Variants in ZFAND3 observed in about 807,000 individuals in gnomAD.
ZFAND3 encodes AN1-type zinc finger protein 3.
ZFAND3 carries 10 observed loss-of-function variants against 29.6 expected under a neutral mutation model. The observed-to-expected ratio is 0.34, with a 90% CI of 0.21 to 0.57. The LOEUF (loss-of-function observed/expected upper bound fraction) is 0.57. Ranked by LOEUF, ZFAND3 falls within the 20% of genes least tolerant of loss-of-function variation. ZFAND3 has a pLI of 0.86. For missense variants in ZFAND3, 230 were observed against 304.5 expected (o/e 0.76, Z 1.82); for synonymous variants, 128 against 112.6 (o/e 1.14, Z -0.87).
At chr6:37,985,738 C>T (rs1290740837) in intron 2 of ZFAND3, among the ~76,000 whole-genome samples, 3 of 151,992 alleles carry the variant, frequency 2.0e-5, no homozygotes, top group Non-Finnish European at 4.4e-5. Context: ...GTTCACAGTG[C>T]CACCAACATA....
chr6:37,965,070 A>G (rs760895214), intron 2 of ZFAND3, among the ~76,000 whole-genome samples: 1 of 152,230 alleles, frequency 6.6e-6, no homozygotes, highest in Non-Finnish European at 1.5e-5. Context: ...TTCTTCCCTC[A>G]ACCTATGACA....
In ZFAND3 at chr6:37,854,964, G is replaced by GTTTT. The variant is rs34283914; in HGVS notation, c.71+34967_71+34970dup. ...AGGTTACAGGAGAAAAATAATAGGT[G>GTTTT]TTTTTTTTTTTTTTTTTTTTTTGGT... On this transcript the variant is annotated intron_variant, in intron 1 of 5. Transcript: ENST00000287218. 1.4e-3 allele frequency among the ~76,000 whole-genome samples: 113 copies of GTTTT among 78,914 alleles called. 2 individuals are homozygous for GTTTT. The highest frequency in any genetic ancestry group is 2.1e-3 in the Non-Finnish European group (85 of 40,346). The allele number at this position is 78,914 out of a possible 152,430, so 51.8% of individuals were successfully genotyped here. A position where few individuals can be genotyped will look rare whatever the true frequency, so the allele number is the denominator to read the frequency against.
At chr6:38,030,060 A>ATGTATG (rs1380081033) in intron 2 of ZFAND3, among the ~76,000 whole-genome samples, 3 of 6,812 alleles carry the variant, frequency 4.4e-4, no homozygotes, top group African/African-American at 1.0e-3. Flanking sequence ...GGATATATAT[A>ATGTATG]TATATATATA....
intron 1 of ZFAND3, among the ~76,000 whole-genome samples, chr6:37,896,564 T>TTCTTTCTC (rs1222596827): frequency 8.2e-5 from 12 of 146,416 alleles, no homozygotes; most frequent in Admixed American, 1.4e-4. Flanking sequence ...CTTTCTTTCT[T>TTCTTTCTC]TCTTTCTCTC....
chr6:37,850,693 G>T (rs72849369), intron 1 of ZFAND3, among the ~76,000 whole-genome samples: 1 of 152,118 alleles, frequency 6.6e-6, no homozygotes, highest in South Asian at 2.1e-4. Context: ...ACACTGTATG[G>T]TGTTTGCACA....
intron 5 of ZFAND3, 121 bp from the exon 6 acceptor site, chr6:38,152,114 A>G (rs943672581): frequency 1.1e-6 from 1 of 932,044 alleles, no homozygotes. Context: ...GAACCCCTGC[A>G]GTGAGTGTTG....
chr6:38,097,464 G>A (rs924172265), intron 4 of ZFAND3, among the ~76,000 whole-genome samples: 3 of 152,058 alleles, frequency 2.0e-5, no homozygotes, highest in African/African-American at 4.8e-5. Flanking sequence ...AGTGAGTATA[G>A]GTATTAACTG....
At chr6:38,116,077 A>G (rs1017325129) in intron 4 of ZFAND3, among the ~76,000 whole-genome samples, 1 of 152,232 alleles carries the variant, frequency 6.6e-6, no homozygotes, top group African/African-American at 2.4e-5. Context: ...CAGATCACTC[A>G]TCAAACGCTG....
At chr6:38,147,634 A>G (rs1286832492) in intron 5 of ZFAND3, among the ~76,000 whole-genome samples, 1 of 152,216 alleles carries the variant, frequency 6.6e-6, no homozygotes, top group Non-Finnish European at 1.5e-5. Flanking sequence ...CATCCTCGCC[A>G]GGATCTGTTA....
intron 4 of ZFAND3, among the ~76,000 whole-genome samples, chr6:38,101,019 G>A (rs1203713882): frequency 1.3e-5 from 2 of 152,140 alleles, no homozygotes; most frequent in African/African-American, 4.8e-5. Flanking sequence ...TCAAAATTGC[G>A]AACTTAACAC....
chr6:37,921,893 A>AC (rs949066117), intron 1 of ZFAND3, among the ~76,000 whole-genome samples: 3 of 150,928 alleles, frequency 2.0e-5, no homozygotes, highest in African/African-American at 4.9e-5. Flanking sequence ...AAAAAAAAAA[A>AC]AAAAACAAAC....
chr6:37,878,412 G>T (rs939360658), intron 1 of ZFAND3, among the ~76,000 whole-genome samples: 40 of 152,182 alleles, frequency 2.6e-4, no homozygotes, highest in Non-Finnish European at 1.9e-4. Context: ...TGTGTTGTAG[G>T]CTCCCCAGCG....
chr6:37,949,530 C>T (rs1477358626), intron 2 of ZFAND3, among the ~76,000 whole-genome samples: 2 of 152,144 alleles, frequency 1.3e-5, no homozygotes, highest in Non-Finnish European at 2.9e-5. Flanking sequence ...TTGAGGGCTC[C>T]TTCCCCAAGA....
intron 1 of ZFAND3, among the ~76,000 whole-genome samples, chr6:37,898,775 TG>T (rs1383084606): frequency 2.6e-5 from 4 of 152,246 alleles, no homozygotes; most frequent in Admixed American, 1.3e-4. Context: ...AATTAATTTT[TG>T]TATGTTGACC....
chr6:38,144,491 T>C (rs1394673376), intron 5 of ZFAND3, among the ~76,000 whole-genome samples: 2 of 152,096 alleles, frequency 1.3e-5, no homozygotes, highest in African/African-American at 4.8e-5. Flanking sequence ...CTGGGCCCCA[T>C]CACTGTGCTG....
At chr6:37,957,690 T>C (rs978608641) in intron 2 of ZFAND3, among the ~76,000 whole-genome samples, 1 of 152,178 alleles carries the variant, frequency 6.6e-6, no homozygotes, top group South Asian at 2.1e-4. Flanking sequence ...CCAGCTACTT[T>C]TTAGCTAAGA....
At chr6:38,144,004 A>T (rs1296951894) in intron 5 of ZFAND3, among the ~76,000 whole-genome samples, 1 of 151,626 alleles carries the variant, frequency 6.6e-6, no homozygotes, top group African/African-American at 2.4e-5. Flanking sequence ...GGGTCACCGG[A>T]TGTGGTATAA....
intron 1 of ZFAND3, among the ~76,000 whole-genome samples, chr6:37,901,772 A>G (rs11970063): frequency 0.015 from 2,253 of 152,314 alleles, 54 homozygotes; most frequent in African/African-American, 0.052. Context: ...ACTCACTTCC[A>G]TGTTCTGTTT....
intron 2 of ZFAND3, among the ~76,000 whole-genome samples, chr6:37,989,680 TGA>T (rs1337540865): frequency 1.3e-5 from 2 of 151,234 alleles, no homozygotes; most frequent in East Asian, 3.9e-4. Flanking sequence ...TAGGCAGAGG[TGA>T]CACCAATTGC....
Sources: gnomAD v4.1 joint callset for allele counts (sites outside exome capture counted in the v4.1 genomes callset) on GRCh38, gnomAD v4.1.1 for gene constraint, MANE v1.5 for transcripts, NCBI Gene and HGNC (gene_info 2026-07-23, HGNC 2026-07-21) for gene names.